Variants in AASS observed in about 807,000 individuals in gnomAD.
The protein encoded by AASS is aminoadipate-semialdehyde synthase.
In AASS, 86 loss-of-function variants were observed where a neutral mutation model predicts 105.4. The observed-to-expected ratio is 0.82, with a 90% CI of 0.69 to 0.98. The LOEUF (loss-of-function observed/expected upper bound fraction) is 0.98. Ranked by LOEUF, AASS falls within the 50% of genes least tolerant of loss-of-function variation. The pLI is 0.00. For synonymous variants in AASS, 381 were observed against 394.8 expected (o/e 0.96, Z 0.41); for missense variants, 1,048 against 1,143.2 (o/e 0.92, Z 1.20).
At chr7:122,133,468 C>CA (rs753274316) in intron 2 of AASS, 49 bp downstream of exon 2, 1 of 1,586,672 alleles carries the variant, frequency 6.3e-7, no homozygotes, top group Non-Finnish European at 8.7e-7. Context: ...CCTTAATTTT[C>CA]ATATGCAGGT....
At chr7:122,137,893 G>A (rs1319813145) in intron 1 of AASS, among the ~76,000 whole-genome samples, 3 of 152,146 alleles carry the variant, frequency 2.0e-5, no homozygotes, top group African/African-American at 4.8e-5. Flanking sequence ...GAGGTTACCC[G>A]ACAATGTCGG....
rs1330211948 is a variant in AASS at position 122,116,925 on chromosome 7, A to G, written c.720T>C (p.Cys240=). The part of the protein sequence containing the change: ...GAQAIFNELP[C]EYVEPHELKE... ...TTAATTCATGGGGCTCCACATATTC[A>G]CAAGGTAGCTCATTAAAGATTGCTT... The change falls in exon 7 of 24, where the codon TGT becomes TGC. Residue 240 remains cysteine, a synonymous_variant. Transcript: ENST00000417368. 6.2e-7 allele frequency: 1 copy of G among 1,613,906 alleles called. No individual in the cohort carries two copies. The highest frequency in any genetic ancestry group is 1.3e-5 in the African/African-American group (1 of 74,932).
At chr7:122,105,980 C>T (rs577810955) in intron 11 of AASS, among the ~76,000 whole-genome samples, 3 of 152,006 alleles carry the variant, frequency 2.0e-5, no homozygotes, top group African/African-American at 7.2e-5. Context: ...CCTGTGTCTG[C>T]CTAAGGAGAA....
intron 4 of AASS, among the ~76,000 whole-genome samples, chr7:122,119,382 T>C (rs1795334949): frequency 6.6e-6 from 1 of 152,182 alleles, no homozygotes; most frequent in African/African-American, 2.4e-5. Context: ...AGTCTCTCTC[T>C]TGAAAACAGA....
intron 4 of AASS, among the ~76,000 whole-genome samples, chr7:122,122,031 T>C (rs528952409): frequency 1.3e-5 from 2 of 152,370 alleles, no homozygotes; most frequent in South Asian, 2.1e-4. Flanking sequence ...GATTAGAAGT[T>C]TGATGTTTAT....
At chr7:122,123,057 TG>T (rs972535940) in intron 4 of AASS, among the ~76,000 whole-genome samples, 1 of 152,184 alleles carries the variant, frequency 6.6e-6, no homozygotes, top group Non-Finnish European at 1.5e-5. Context: ...CCACTCTGGC[TG>T]ATGGGACAAA....
intron 1 of AASS, among the ~76,000 whole-genome samples, chr7:122,141,263 C>T (rs915537488): frequency 1.3e-5 from 2 of 152,172 alleles, no homozygotes; most frequent in Non-Finnish European, 2.9e-5. Context: ...GTTAACTAAT[C>T]TGGTCTGAGA....
chr7:122,137,783 T>G (rs1796218713), intron 1 of AASS, among the ~76,000 whole-genome samples: 1 of 152,176 alleles, frequency 6.6e-6, no homozygotes, highest in Non-Finnish European at 1.5e-5. Flanking sequence ...TTTTGTGGTA[T>G]TTTTCAAGAA....
intron 11 of AASS, among the ~76,000 whole-genome samples, chr7:122,104,286 C>T (rs1307112554): frequency 2.6e-5 from 3 of 117,570 alleles, no homozygotes; most frequent in Non-Finnish European, 5.1e-5. Context: ...CCATGGAATA[C>T]TATGCAGCCA....
rs1795199041 is a variant in AASS, at chr7:122,116,748, A to G, written c.779T>C (p.Val260Ala). The G allele has an allele frequency of 6.2e-7, 1 of 1,614,108 alleles. No individual in the cohort carries two copies. Among genetic ancestry groups the G allele is most frequent in the Non-Finnish European group, 8.5e-7 (1 of 1,179,992 alleles). ...EVSQTGDLRKVYGTVLSRHHH... is the reference protein window; with the variant it reads ...EVSQTGDLRKAYGTVLSRHHH... ...ATGACGACTTAACACCGTCCCATAC[A>G]CTTTTCTGAGGTCTTGAAAAGGAGA... The change falls in exon 8 of 24, where the codon GTG (valine) becomes GCG (alanine). Residue 260 changes from valine (V) to alanine (A), a missense_variant. Physicochemically the swap from Val to Ala is moderately conservative, Grantham distance 64. Transcript: ENST00000417368.
At chr7:122,100,434 G>A (rs979679824) in intron 13 of AASS, among the ~76,000 whole-genome samples, 4 of 151,896 alleles carry the variant, frequency 2.6e-5, no homozygotes, top group Non-Finnish European at 4.4e-5. Context: ...TAAATACTTA[G>A]TGTCTTATGC....
intron 1 of AASS, among the ~76,000 whole-genome samples, chr7:122,142,783 A>C (rs1477592101): frequency 6.6e-6 from 1 of 152,206 alleles, no homozygotes; most frequent in Non-Finnish European, 1.5e-5. Context: ...TATATGAAAA[A>C]AATGAAAATG....
intron 18 of AASS, among the ~76,000 whole-genome samples, chr7:122,086,947 A>G (rs1422036710): frequency 6.6e-6 from 1 of 152,222 alleles, no homozygotes; most frequent in Non-Finnish European, 1.5e-5. Context: ...CTCTAATTTT[A>G]ATTAAAAGAC....
chr7:122,113,117 C>A lies in AASS; in HGVS notation c.1278+1G>T. The A allele has an allele frequency of 6.2e-7, 1 of 1,611,474 alleles. No individual in the cohort carries two copies. Among genetic ancestry groups the A allele is most frequent in the South Asian group, 1.1e-5 (1 of 91,022 alleles). Reference sequence around the variant, plus strand: ...GTTACTGATATTACCAGTCTGCTTACCATTTCTTCAACATAAGGGTAAAGC... The same window carrying A: ...GTTACTGATATTACCAGTCTGCTTAACATTTCTTCAACATAAGGGTAAAGC... On this transcript the variant is annotated splice_donor_variant, in intron 11 of 23. Coordinates refer to ENST00000417368, the MANE Select transcript of AASS (RefSeq NM_005763.4). LOFTEE classifies it high-confidence loss of function.
At chr7:122,079,524 A>T in intron 21 of AASS, 73 bp downstream of exon 21, 1 of 1,282,040 alleles carries the variant, frequency 7.8e-7, no homozygotes, top group Non-Finnish European at 1.1e-6. Flanking sequence ...TAAAATATTT[A>T]ACTTTTTCTG....
At chr7:122,112,414 G>A (rs930174407) in intron 11 of AASS, among the ~76,000 whole-genome samples, 1 of 152,158 alleles carries the variant, frequency 6.6e-6, no homozygotes, top group Non-Finnish European at 1.5e-5. Flanking sequence ...GAGGATCACA[G>A]ACTGGAAATT....
chr7:122,129,385 G>A lies in AASS; in HGVS notation c.363C>T (p.Gly121=). ...CCTGTTTTAGAATCTCATCCAACAA[G>A]CCCATATTGGCCTCCTGAGCTTTTA... ...HTIKAQEANM[G]LLDEILKQEI... The change falls in exon 3 of 24, where the codon GGC becomes GGT. Residue 121 remains glycine, a synonymous_variant. Coordinates refer to ENST00000417368, the MANE Select transcript of AASS (RefSeq NM_005763.4). 1 of 1,609,850 alleles carries A rather than the reference G, an allele frequency of 6.2e-7. No homozygotes were observed. The highest frequency in any genetic ancestry group is 1.1e-5 in the South Asian group (1 of 90,310).
rs1584840247 is a variant in AASS, at chr7:122,098,515, G to T, written c.1590C>A (p.Ser530Arg). The change falls in exon 15 of 24, where the codon AGC (serine) becomes AGA (arginine). Residue 530 changes from serine (S) to arginine (R), a missense_variant. Physicochemically the swap from Ser to Arg is moderately radical, Grantham distance 110 (BLOSUM62 -1). Transcript: ENST00000417368. Reference protein sequence around the residue: ...LGKKYNINPVSMDICKQEEKL... With the variant: ...LGKKYNINPVRMDICKQEEKL... ...TCTCTTCTTGTTTACAAATGTCCAT[G>T]CTAACAGGATTAATATTATATTTCT... 6.2e-7 allele frequency: 1 copy of T among 1,610,950 alleles called. No individual in the cohort carries two copies. The highest frequency in any genetic ancestry group is 1.7e-5 in the Admixed American group (1 of 59,730).
intron 20 of AASS, among the ~76,000 whole-genome samples, chr7:122,081,173 A>G (rs1562901890): frequency 6.6e-6 from 1 of 152,232 alleles, no homozygotes; most frequent in Non-Finnish European, 1.5e-5. Context: ...AGGAAGTCCA[A>G]GTGACTCCCA....
Sources: gnomAD v4.1 joint callset for allele counts (sites outside exome capture counted in the v4.1 genomes callset) on GRCh38, gnomAD v4.1.1 for gene constraint, MANE v1.5 for transcripts, NCBI Gene and HGNC (gene_info 2026-07-23, HGNC 2026-07-21) for gene names.